Variants in PLOD2 observed in about 807,000 individuals in gnomAD.
PLOD2 encodes the protein procollagen-lysine,2-oxoglutarate 5-dioxygenase 2.
A neutral mutation model predicts 101.0 loss-of-function variants in PLOD2; 65 were observed. The observed-to-expected ratio is 0.64, with a 90% CI of 0.53 to 0.79. The LOEUF is 0.79. PLOD2 is among the 30% of genes least tolerant of loss of function. The pLI, the probability that PLOD2 is intolerant of heterozygous loss-of-function variation, is 0.00. For missense variants in PLOD2, 909 were observed against 914.6 expected (o/e 0.99, Z 0.08); for synonymous variants, 314 against 302.9 (o/e 1.04, Z -0.38).
chr3:146,081,973 A>T, intron 11 of PLOD2, 110 bp from the exon 12 acceptor site: 1 of 861,530 alleles, frequency 1.2e-6, no homozygotes, highest in Non-Finnish European at 1.7e-6. Flanking sequence ...AACACAAGAA[A>T]GCTCATTCAA....
intron 6 of PLOD2, among the ~76,000 whole-genome samples, chr3:146,103,460 ATT>A (rs754846765): frequency 8.5e-5 from 12 of 141,526 alleles, no homozygotes; most frequent in Non-Finnish European, 9.3e-5. Context: ...CATTGTGGGA[ATT>A]TTTTTTTTTT....
chr3:146,156,055 A>G (rs1251128411), intron 1 of PLOD2, among the ~76,000 whole-genome samples: 1 of 152,200 alleles, frequency 6.6e-6, no homozygotes, highest in Non-Finnish European at 1.5e-5. Flanking sequence ...TTCATTTTTG[A>G]TCATGAGAAC....
At chr3:146,075,390 A>G (rs1936292125) in intron 15 of PLOD2, among the ~76,000 whole-genome samples, 1 of 151,060 alleles carries the variant, frequency 6.6e-6, no homozygotes, top group Admixed American at 6.6e-5. Context: ...TGATTGTTGA[A>G]GACAGCATTT....
chr3:146,116,132 C>G (rs1334967288), intron 3 of PLOD2, among the ~76,000 whole-genome samples: 4 of 152,126 alleles, frequency 2.6e-5, no homozygotes, highest in African/African-American at 9.7e-5. Context: ...ATAATTCTTT[C>G]ATCATATCTT....
intron 7 of PLOD2, among the ~76,000 whole-genome samples, chr3:146,098,490 T>C (rs1002678531): frequency 1.3e-5 from 2 of 151,906 alleles, no homozygotes; most frequent in Non-Finnish European, 2.9e-5. Flanking sequence ...TATACTACTA[T>C]GAAAACAAAG....
At chr3:146,081,051 T>G (rs373153063) in intron 12 of PLOD2, among the ~76,000 whole-genome samples, 2 of 152,108 alleles carry the variant, frequency 1.3e-5, no homozygotes, top group African/African-American at 4.8e-5. Context: ...AGGCAAAGCA[T>G]GTAATGTCTT....
At chr3:146,083,622 C>T (rs1936651986) in intron 11 of PLOD2, among the ~76,000 whole-genome samples, 2 of 147,136 alleles carry the variant, frequency 1.4e-5, no homozygotes, top group Admixed American at 1.4e-4. Flanking sequence ...CGCTGTGTCG[C>T]CCAGGCTAGA....
At chr3:146,079,890 T>C (rs775502687) in intron 12 of PLOD2, among the ~76,000 whole-genome samples, 11 of 151,974 alleles carry the variant, frequency 7.2e-5, no homozygotes, top group African/African-American at 2.7e-4. Flanking sequence ...AAATATTTTA[T>C]AGAAAAAGGA....
At chr3:146,107,346 G>A (rs755197663) in intron 4 of PLOD2, among the ~76,000 whole-genome samples, 3 of 152,090 alleles carry the variant, frequency 2.0e-5, no homozygotes, top group African/African-American at 4.8e-5. Flanking sequence ...TTAAAGACAC[G>A]AACGGAATCA....
chr3:146,100,000 C>T (rs1937330686), intron 7 of PLOD2, among the ~76,000 whole-genome samples: 1 of 151,618 alleles, frequency 6.6e-6, no homozygotes, highest in South Asian at 2.1e-4. Flanking sequence ...CCTGCCTCAG[C>T]CCTCTACAGT....
chr3:146,126,279 T>C (rs2030551398), intron 1 of PLOD2, among the ~76,000 whole-genome samples: 1 of 152,144 alleles, frequency 6.6e-6, no homozygotes, highest in Non-Finnish European at 1.5e-5. Flanking sequence ...TTAGTAATAT[T>C]ACACATGAAC....
chr3:146,106,105 T>C (rs1352648518), intron 5 of PLOD2, among the ~76,000 whole-genome samples: 1 of 152,236 alleles, frequency 6.6e-6, no homozygotes, highest in Non-Finnish European at 1.5e-5. Context: ...TCAGAAGTTT[T>C]GATAATGTAA....
At chr3:146,126,758 C>T (rs2030587549) in intron 1 of PLOD2, among the ~76,000 whole-genome samples, 2 of 152,092 alleles carry the variant, frequency 1.3e-5, no homozygotes, top group Non-Finnish European at 2.9e-5. Flanking sequence ...AATTTGAACA[C>T]TAATTAGGTA....
chr3:146,137,301 C>T (rs1450858256), intron 1 of PLOD2, among the ~76,000 whole-genome samples: 1 of 152,182 alleles, frequency 6.6e-6, no homozygotes, highest in African/African-American at 2.4e-5. Flanking sequence ...CAAAAACTCT[C>T]CTAAGACGTA....
At chr3:146,095,791 A>C (rs1310068745) in intron 7 of PLOD2, among the ~76,000 whole-genome samples, 4 of 152,070 alleles carry the variant, frequency 2.6e-5, no homozygotes, top group African/African-American at 7.2e-5. Context: ...ACAATAGCAA[A>C]GACTTGGAAC....
At chr3:146,084,293 T>C (rs1449180528) in intron 11 of PLOD2, among the ~76,000 whole-genome samples, 2 of 152,074 alleles carry the variant, frequency 1.3e-5, no homozygotes, top group African/African-American at 4.8e-5. Context: ...AGTTGGGCTG[T>C]ATATACAGGT....
Position 146,086,857 on chromosome 3 carries a change from C to A in PLOD2, c.1057G>T (p.Glu353Ter). 6.5e-7 allele frequency: 1 copy of A among 1,535,186 alleles called. No individual in the cohort carries two copies. The highest frequency in any genetic ancestry group is 8.9e-7 in the Non-Finnish European group (1 of 1,122,118). ...IKVFFDKAKH[E>*]IKTIKIVGPE... ...CCTACTATTTTTATAGTTTTGATTT[C>A]ATGCTTAGCTTTATCAAAAAATACC... Residue 353 changes from glutamate to a stop codon, truncating the protein, a stop_gained, in exon 10 of 20, where the codon GAA becomes TAA. Transcript: ENST00000282903. LOFTEE classifies it high-confidence loss of function.
chr3:146,148,429 A>G (rs758194261), intron 1 of PLOD2, among the ~76,000 whole-genome samples: 1 of 152,028 alleles, frequency 6.6e-6, no homozygotes, highest in Non-Finnish European at 1.5e-5. Flanking sequence ...GCAAAGCACT[A>G]TACCTAAATA....
intron 1 of PLOD2, among the ~76,000 whole-genome samples, chr3:146,134,126 T>A (rs2031091369): frequency 6.6e-6 from 1 of 152,024 alleles, no homozygotes; most frequent in Non-Finnish European, 1.5e-5. Context: ...GAGAAAACAA[T>A]ACTAGATTTT....
Sources: allele counts gnomAD v4.1 joint callset (sites outside exome capture counted in the v4.1 genomes callset), GRCh38; gene constraint gnomAD v4.1.1; transcripts MANE v1.5; gene names NCBI Gene and HGNC (gene_info 2026-07-23, HGNC 2026-07-21).